Variants in EMILIN2 observed in about 807,000 individuals in gnomAD.
EMILIN2 encodes elastin microfibril interfacer 2, also known as EMILIN-2.
Under a neutral mutation model 87.1 loss-of-function variants are expected in EMILIN2, and 71 were observed. The observed-to-expected ratio is 0.82, with a 90% CI of 0.67 to 0.99. The LOEUF is 0.99. Among genes scored for constraint, EMILIN2 ranks in the 50% least tolerant of loss-of-function variants. The pLI is 0.00. For missense variants in EMILIN2, 1,407 were observed against 1,371.8 expected, an observed-to-expected ratio of 1.03 and a Z score of -0.40; for synonymous variants, 581 against 563.4, an observed-to-expected ratio of 1.03 and a Z score of -0.44.
At chr18:2,899,531 G>A (rs1207994206) in intron 4 of EMILIN2, among the ~76,000 whole-genome samples, 1 of 151,878 alleles carries the variant, frequency 6.6e-6, no homozygotes, top group Admixed American at 6.6e-5. Context: ...TTTCAGCGGA[G>A]TCTTGCTCTG....
intron 2 of EMILIN2, among the ~76,000 whole-genome samples, chr18:2,861,760 T>G (rs2076662260): frequency 6.6e-6 from 1 of 152,236 alleles, no homozygotes; most frequent in African/African-American, 2.4e-5. Context: ...TTTTTTCCAA[T>G]TCTGTGAAGA....
At chr18:2,882,942 G>A (rs746849216) in intron 2 of EMILIN2, among the ~76,000 whole-genome samples, 5 of 151,950 alleles carry the variant, frequency 3.3e-5, no homozygotes, top group African/African-American at 4.8e-5. Context: ...TTGGGAGGCC[G>A]AGGTGGAGGA....
chr18:2,912,725 G>A (rs2144081677), intron 7 of EMILIN2, among the ~76,000 whole-genome samples: 1 of 152,308 alleles, frequency 6.6e-6, no homozygotes, highest in East Asian at 1.9e-4. Flanking sequence ...TCCCTGGGTT[G>A]GTGGCAAGCT....
intron 2 of EMILIN2, among the ~76,000 whole-genome samples, chr18:2,882,964 C>T (rs1200515674): frequency 6.6e-6 from 1 of 152,038 alleles, no homozygotes; most frequent in Non-Finnish European, 1.5e-5. Context: ...CACTTGAGCC[C>T]AGGAGTTTGA....
At chr18:2,883,980 G>C (rs1278502740) in intron 2 of EMILIN2, among the ~76,000 whole-genome samples, 1 of 152,078 alleles carries the variant, frequency 6.6e-6, no homozygotes, top group Non-Finnish European at 1.5e-5. Flanking sequence ...TTTTGAGTTG[G>C]AGTCTTGCTC....
rs1406617297 is a variant in EMILIN2 at position 2,892,455 on chromosome 18, G to C, written c.2328G>C (p.Leu776Phe). The C allele has an allele frequency of 6.2e-7, 1 of 1,602,036 alleles. No individual in the cohort carries two copies. Reference sequence around the variant, plus strand: ...ACGTCTTCCAGATTTCTACTGATTTGCAAGATCTGGTCAAATTTCAGCCAT... The same window carrying C: ...ACGTCTTCCAGATTTCTACTGATTTCCAAGATCTGGTCAAATTTCAGCCAT... ...YSHVFQISTDLQDLVKFQPSA... is the reference protein window; with the variant it reads ...YSHVFQISTDFQDLVKFQPSA... The change falls in exon 4 of 8, where the codon TTG (leucine) becomes TTC (phenylalanine). Residue 776 changes from leucine to phenylalanine, a missense_variant. Transcript: ENST00000254528.
At chr18:2,855,543 C>T (rs1238765766) in intron 2 of EMILIN2, among the ~76,000 whole-genome samples, 1 of 152,174 alleles carries the variant, frequency 6.6e-6, no homozygotes, top group African/African-American at 2.4e-5. Flanking sequence ...GTTCCACCCA[C>T]GGTGGCACGT....
intron 4 of EMILIN2, among the ~76,000 whole-genome samples, chr18:2,900,714 CTGA>C (rs1040888249): frequency 2.0e-5 from 3 of 152,276 alleles, no homozygotes; most frequent in Admixed American, 6.5e-5. Flanking sequence ...TCTGAATTTT[CTGA>C]TGAGTCCAGC....
intron 2 of EMILIN2, 33 bp from the exon 3 acceptor site, chr18:2,884,931 A>G: frequency 6.5e-7 from 1 of 1,546,340 alleles, no homozygotes; most frequent in East Asian, 2.3e-5. Context: ...AACGGCAGCC[A>G]GTAAAGAGAG....
At chr18:2,901,234 T>A (rs923448487) in intron 4 of EMILIN2, among the ~76,000 whole-genome samples, 1 of 152,202 alleles carries the variant, frequency 6.6e-6, no homozygotes, top group Non-Finnish European at 1.5e-5. Context: ...AAGACACCCC[T>A]TAGTTGCCAA....
Position 2,868,358 on chromosome 18 carries a change from G to GCTCACATCC in EMILIN2, c.258-16605_258-16604insTCACATCCC, listed in dbSNP as rs2076700512. ...GGGCTCCTCACATCCCAGACGATGG[G>GCTCACATCC]CGGCCACGCAGAGACACTCCTCACT... is the stretch of plus-strand genomic sequence containing the variant. On this transcript the variant is annotated intron_variant, in intron 2 of 7. Coordinates refer to ENST00000254528, the MANE Select transcript of EMILIN2 (RefSeq NM_032048.3). Among the ~76,000 whole-genome samples, 9 of 152,350 alleles carry GCTCACATCC rather than the reference G, an allele frequency of 5.9e-5. No homozygotes were observed. The South Asian group carries it at 1.7e-3, about 28-fold the overall frequency.
At chr18:2,858,583 G>GTGTGTGTGTGTATATATATATA (rs1180735843) in intron 2 of EMILIN2, among the ~76,000 whole-genome samples, 1 of 63,040 alleles carries the variant, frequency 1.6e-5, no homozygotes, top group African/African-American at 9.3e-5. Flanking sequence ...GTGTGTGTGT[G>GTGTGTGTGTGTATATATATATA]TATATATATA....
chr18:2,896,127 A>G (rs914137944), intron 4 of EMILIN2, among the ~76,000 whole-genome samples: 1 of 151,336 alleles, frequency 6.6e-6, no homozygotes, highest in Non-Finnish European at 1.5e-5. Flanking sequence ...TTAAGGGCAT[A>G]TATATATATA....
At position 2,847,173 on chromosome 18, in the gene EMILIN2, G is replaced by A; in HGVS notation, c.-16G>A. The stretch of plus-strand genomic sequence containing the variant: ...CTCCGGACCCGGGCAGGCGGGGCGC[G>A]CCCGCTGCGCGCGGGATGTGGCAGC... On this transcript the variant is annotated 5_prime_UTR_variant, in exon 1 of 8. Transcript: ENST00000254528. The surrounding 1 kb of genome is among the most constrained non-coding windows in gnomAD (Gnocchi z 4.5). The A allele has an allele frequency of 9.1e-7, 1 of 1,099,054 alleles. No homozygotes were observed. The highest frequency in any genetic ancestry group is 1.1e-6 in the Non-Finnish European group (1 of 907,576). The allele number at this position is 1,099,054 out of a possible 1,614,324, so 68.1% of individuals were successfully genotyped here.
At chr18:2,850,836 G>A (rs1425850903) in intron 2 of EMILIN2, among the ~76,000 whole-genome samples, 1 of 152,076 alleles carries the variant, frequency 6.6e-6, no homozygotes, top group Non-Finnish European at 1.5e-5. Flanking sequence ...GGAAGAGGAA[G>A]AGCTGGGCAA....
intron 4 of EMILIN2, among the ~76,000 whole-genome samples, chr18:2,903,815 C>T (rs2076898427): frequency 1.3e-5 from 2 of 152,142 alleles, no homozygotes; most frequent in African/African-American, 4.8e-5. Flanking sequence ...AATTCTTGCT[C>T]TTTCTGATCT....
At chr18:2,874,135 C>T (rs2076736083) in intron 2 of EMILIN2, among the ~76,000 whole-genome samples, 1 of 152,198 alleles carries the variant, frequency 6.6e-6, no homozygotes, top group Non-Finnish European at 1.5e-5. Context: ...CCCCGCATGG[C>T]CACCTCCTCC....
intron 6 of EMILIN2, 52 bp downstream of exon 6, chr18:2,909,027 C>A (rs1156293293): frequency 6.2e-7 from 1 of 1,604,774 alleles, no homozygotes; most frequent in African/African-American, 1.3e-5. Context: ...TTGGTGGCCT[C>A]TGCCCCTCCT....
In EMILIN2 at chr18:2,915,286, G is replaced by T. The variant is rs1432622618; in HGVS notation, c.*1882G>T. 1 of 152,266 alleles carries T rather than the reference G, an allele frequency of 6.6e-6. No homozygotes were observed. Among genetic ancestry groups the T allele is most frequent in the Non-Finnish European group, 1.5e-5 (1 of 68,088 alleles). The allele number at this position is 152,266 out of a possible 1,614,324, so 9.4% of individuals were successfully genotyped here. On this transcript the variant is annotated 3_prime_UTR_variant, in exon 8 of 8. Transcript: ENST00000254528. ...CAGAATATGCCTCATTATGGCTGGA[G>T]CGTGCCTCTACTTTGAGATAAAGCT...
Sources: allele counts gnomAD v4.1 joint callset (sites outside exome capture counted in the v4.1 genomes callset), GRCh38; gene constraint gnomAD v4.1.1; non-coding constraint Gnocchi (gnomAD v3.1); transcripts MANE v1.5; gene names NCBI Gene and HGNC (gene_info 2026-07-23, HGNC 2026-07-21).